The following CDK12 variants were observed in gnomAD, a reference collection of about 807,000 sequenced individuals.
CDK12 encodes the protein cyclin dependent kinase 12, also known as cyclin-dependent kinase 12.
In CDK12, 17 loss-of-function variants were observed where a neutral mutation model predicts 133.8. The ratio of observed to expected loss-of-function variants is 0.13; its 90% CI spans 0.09 to 0.19. The LOEUF (loss-of-function observed/expected upper bound fraction) is 0.19, where lower values mean the gene tolerates loss of function less well. Among genes scored for constraint, CDK12 ranks in the 10% least tolerant of loss-of-function variants. The pLI, the probability that CDK12 is intolerant of heterozygous loss-of-function variation, is 1.00. For synonymous variants in CDK12, 694 were observed against 683.6 expected (o/e 1.02, Z -0.24); for missense variants, 1,508 against 1,818.7 (o/e 0.83, Z 3.11).
downstream of CDK12, among the ~76,000 whole-genome samples, chr17:39,535,502 G>T (rs1309879255): frequency 6.6e-6 from 1 of 152,098 alleles, no homozygotes; most frequent in Admixed American, 6.6e-5. Context: ...TGTGTTCCTG[G>T]TTGCAAGTTC....
intron 6 of CDK12, among the ~76,000 whole-genome samples, 192 bp downstream of exon 6, chr17:39,501,631 C>T (rs567616612): frequency 1.2e-4 from 19 of 152,254 alleles, no homozygotes; most frequent in African/African-American, 4.1e-4. Flanking sequence ...TTCTCAGTTA[C>T]CAGCTTTCTG....
intron 11 of CDK12, among the ~76,000 whole-genome samples, chr17:39,522,155 G>A (rs1164052893): frequency 6.6e-6 from 1 of 151,960 alleles, no homozygotes; most frequent in Non-Finnish European, 1.5e-5. Flanking sequence ...TGTTGCCCAG[G>A]CTGGAGTGCA....
At chr17:39,535,643 T>C (rs1386149719), downstream of CDK12, among the ~76,000 whole-genome samples, 3 of 152,192 alleles carry the variant, frequency 2.0e-5, no homozygotes, top group Non-Finnish European at 4.4e-5. Context: ...TTTTCTGTCA[T>C]ACCCAAGGCC....
chr17:39,545,052 G>C (rs148497666), upstream of CDK12, among the ~76,000 whole-genome samples: 146 of 152,278 alleles, frequency 9.6e-4, 1 homozygote, highest in African/African-American at 3.3e-3. Flanking sequence ...CTTCCAGCTA[G>C]AGCAGGTAAC....
chr17:39,491,155 T>A (rs1338491472), intron 3 of CDK12, among the ~76,000 whole-genome samples: 1 of 152,124 alleles, frequency 6.6e-6, no homozygotes, highest in Non-Finnish European at 1.5e-5. Context: ...TAAATATGGG[T>A]CTAATCTTCT....
In CDK12 at chr17:39,481,959, A is replaced by T. The variant is rs1306407260; in HGVS notation, c.1932-8598A>T. On this transcript the variant is annotated intron_variant, in intron 2 of 13. Transcript: ENST00000447079. ...CTGGTCTCAAACTCCTGACCTTGTG[A>T]TCTGCCCGCCTCGGCCTCCCAAAGT... 3.5e-5 allele frequency among the ~76,000 whole-genome samples: 5 copies of T among 141,610 alleles called. No homozygotes were observed. In the East Asian group the frequency reaches 6.8e-4, roughly 19 times the overall value. 92.9% of individuals were successfully genotyped at this position (141,610 alleles called of 152,430 possible).
In CDK12 at chr17:39,533,087, C is replaced by T. The variant is rs372137007; in HGVS notation, c.*1771C>T. 4.7e-5 allele frequency: 10 copies of T among 214,628 alleles called. No homozygotes were observed. The highest frequency in any genetic ancestry group is 7.4e-5 in the Non-Finnish European group (8 of 108,266). The allele number at this position is 214,628 out of a possible 1,614,324, so 13.3% of individuals were successfully genotyped here. A position where few individuals can be genotyped will look rare whatever the true frequency, so the allele number is the denominator to read the frequency against. ...AGGTGCATTACTTAAAAAAAAAAAA[C>T]TTTAAAGAAATGAAAGAAGAACCCT... On this transcript the variant is annotated 3_prime_UTR_variant, in exon 14 of 14. Transcript: ENST00000447079.
At chr17:39,479,417 T>G (rs2050466770) in intron 2 of CDK12, among the ~76,000 whole-genome samples, 1 of 152,142 alleles carries the variant, frequency 6.6e-6, no homozygotes. Flanking sequence ...GAATGTGACT[T>G]ACACATCATT....
chr17:39,525,985 C>A lies in CDK12; in HGVS notation c.3429C>A (p.Asn1143Lys). The A allele has an allele frequency of 6.2e-7, 1 of 1,614,196 alleles. No individual in the cohort carries two copies. The highest frequency in any genetic ancestry group is 2.2e-5 in the East Asian group (1 of 44,882). Residue 1143 changes from asparagine (N) to lysine (K), a missense_variant, in exon 13 of 14, where the codon AAC (asparagine) becomes AAA (lysine). This residue lies in a region of CDK12 where 399 missense variants were observed against 469.6 expected (regional missense o/e 0.85). Transcript: ENST00000447079. ...QMAQLLNIHS[N>K]PEMQQQLEAL... Reference sequence around the variant, plus strand: ...CACAGCTGCTTAACATCCACTCCAACCCAGAGATGCAGCAGCAGCTGGAAG... The same window carrying A: ...CACAGCTGCTTAACATCCACTCCAAACCAGAGATGCAGCAGCAGCTGGAAG...
chr17:39,473,756 T>G (rs543958500), intron 2 of CDK12, among the ~76,000 whole-genome samples: 2,012 of 151,750 alleles, frequency 0.013, 22 homozygotes, highest in Middle Eastern at 0.034. Flanking sequence ...GTGGTGGCGG[T>G]TGCCTATAGT....
chr17:39,537,357 TC>T (rs1351734306), downstream of CDK12, among the ~76,000 whole-genome samples: 1 of 152,076 alleles, frequency 6.6e-6, no homozygotes, highest in African/African-American at 2.4e-5. Flanking sequence ...AGTAGCCTGG[TC>T]CCTTTTTTAA....
Position 39,461,936 on chromosome 17 carries a change from G to C in CDK12, c.-136G>C, listed in dbSNP as rs2048986601. The C allele has an allele frequency of 3.2e-6, 2 of 628,128 alleles. No individual in the cohort carries two copies. Among genetic ancestry groups the C allele is most frequent in the Admixed American group, 6.2e-5 (2 of 32,086 alleles). 38.9% of individuals were successfully genotyped at this position (628,128 alleles called of 1,614,324 possible). ...GCGTCGGGAGGGAGGAGGAGCCTGG[G>C]CTACCGTCCCTGCCCTCCCCACCCC... On this transcript the variant is annotated 5_prime_UTR_variant, in exon 1 of 14. Coordinates refer to ENST00000447079, the MANE Select transcript of CDK12 (RefSeq NM_016507.4).
At chr17:39,524,117 A>G (rs1412215946) in intron 11 of CDK12, among the ~76,000 whole-genome samples, 1 of 152,114 alleles carries the variant, frequency 6.6e-6, no homozygotes, top group African/African-American at 2.4e-5. Context: ...GTAGTGCTGA[A>G]CTCCACAGAT....
In CDK12 at chr17:39,511,210, G is replaced by A. The variant is rs565890762; in HGVS notation, c.2667-319G>A. On this transcript the variant is annotated intron_variant, in intron 7 of 13. Coordinates refer to ENST00000447079, the MANE Select transcript of CDK12 (RefSeq NM_016507.4). ...AGCCTGAGGGACAGAGCAAGACACC[G>A]TCTCAAAAAAAAAAAAAAAAAAAAA... Among the ~76,000 whole-genome samples the A allele has an allele frequency of 1.0e-2, 700 of 70,152 alleles. 4 individuals carry two copies. Among genetic ancestry groups the A allele is most frequent in the African/African-American group, 0.033 (674 of 20,556 alleles). 46.0% of individuals were successfully genotyped at this position (70,152 alleles called of 152,430 possible). A position where few individuals can be genotyped will look rare whatever the true frequency, so the allele number is the denominator to read the frequency against.
downstream of CDK12, among the ~76,000 whole-genome samples, chr17:39,536,174 T>C (rs770505584): frequency 6.6e-6 from 1 of 152,152 alleles, no homozygotes; most frequent in African/African-American, 2.4e-5. Flanking sequence ...TCTCTCCATC[T>C]CCTATCCACC....
chr17:39,563,051 C>G (rs964120065), intron 3 of CDK12, among the ~76,000 whole-genome samples: 1 of 151,982 alleles, frequency 6.6e-6, no homozygotes, highest in East Asian at 1.9e-4. Flanking sequence ...ACTTAATTAA[C>G]AAATTCACAT....
rs145958123 is a variant in CDK12 at position 39,487,002 on chromosome 17, C to A, written c.1932-3555C>A. Among the ~76,000 whole-genome samples the A allele has an allele frequency of 5.3e-4, 81 of 151,590 alleles. 1 individual carries two copies. In the East Asian group the frequency reaches 0.012, roughly 22 times the overall value. On this transcript the variant is annotated intron_variant, in intron 2 of 13. Coordinates refer to ENST00000447079, the MANE Select transcript of CDK12 (RefSeq NM_016507.4). ...CAACCTGGGCAATAGAGGGAGACTCCGTCTCAAAAAAAAAGAATCTATATT... is the reference window on the plus strand; with the variant it reads ...CAACCTGGGCAATAGAGGGAGACTCAGTCTCAAAAAAAAAGAATCTATATT...
At position 39,471,146 on chromosome 17, in the gene CDK12, G is replaced by A. The variant is rs368247039; in HGVS notation, c.1314G>A (p.Lys438=). Residue 438 remains lysine, a synonymous_variant, in exon 2 of 14, where the codon AAG becomes AAA. Transcript: ENST00000447079. ...PRKENSSVEA[K]DSGLESKKLP... is the part of the protein sequence containing the mutation. ...AAGAGAACAGTTCAGTAGAGGCTAA[G>A]GATTCAGGTTTGGAGTCTAAAAAGT... The A allele has an allele frequency of 1.4e-5, 23 of 1,589,192 alleles. No individual in the cohort carries two copies. In the African/African-American group the frequency reaches 3.0e-4, roughly 21 times the overall value.
rs2049047424 is a variant in CDK12, at chr17:39,462,851, C to G, written c.780C>G (p.Asp260Glu). 1 of 1,614,196 alleles carries G rather than the reference C, an allele frequency of 6.2e-7. No individual in the cohort carries two copies. Among genetic ancestry groups the G allele is most frequent in the Non-Finnish European group, 8.5e-7 (1 of 1,180,030 alleles). The change falls in exon 1 of 14, where the codon GAC (aspartate) becomes GAG (glutamate). Residue 260 changes from aspartate to glutamate, a missense_variant. Physicochemically the swap from Asp to Glu is conservative, Grantham distance 45. This residue lies in a region of CDK12 where 460 missense variants were observed against 490.8 expected (regional missense o/e 0.94). Coordinates refer to ENST00000447079, the MANE Select transcript of CDK12 (RefSeq NM_016507.4). Reference sequence around the variant, plus strand: ...GATCTCATACCTCGAGCAATTATGACTCCTACAAGAAAAGTCCTGGAAGTA... The same window carrying G: ...GATCTCATACCTCGAGCAATTATGAGTCCTACAAGAAAAGTCCTGGAAGTA... ...PSRSHTSSNY[D>E]SYKKSPGSTS...
Sources: allele counts gnomAD v4.1 joint callset (sites outside exome capture counted in the v4.1 genomes callset), GRCh38; gene constraint gnomAD v4.1.1; regional missense constraint gnomAD v4.1.1; transcripts MANE v1.5; gene names NCBI Gene and HGNC (gene_info 2026-07-23, HGNC 2026-07-21).